CNTNAP3B: variants seen among roughly 807,000 people sequenced by gnomAD.
The protein encoded by CNTNAP3B is contactin-associated protein-like 3B.
A neutral mutation model predicts 108.9 loss-of-function variants in CNTNAP3B; 25 were observed. That is an observed-to-expected ratio of 0.23 (90% CI 0.17 to 0.32). The LOEUF is 0.32. Ranked by LOEUF, CNTNAP3B falls within the 10% of genes least tolerant of loss-of-function variation. CNTNAP3B has a pLI of 1.00. For synonymous variants in CNTNAP3B, 103 were observed against 473.4 expected, an observed-to-expected ratio of 0.22 and a Z score of 10.16; for missense variants, 252 against 1,210.4, an observed-to-expected ratio of 0.21 and a Z score of 11.75.
rs1362835449 is a variant in CNTNAP3B at position 42,127,436 on chromosome 9, G to T, written c.85+1574C>A. On this transcript the variant is annotated intron_variant, in intron 1 of 23. Transcript: ENST00000377561. The stretch of plus-strand genomic sequence containing the variant: ...CAGGAAAGGTGGTGGCAGGATCTCA[G>T]ATTTCATTTTTCTCCAGGAAGGTCT... Among the ~76,000 whole-genome samples, 2 of 139,626 alleles carry T rather than the reference G, an allele frequency of 1.4e-5. 1 individual carries two copies. The allele number at this position is 139,626 out of a possible 152,430, so 91.6% of individuals were successfully genotyped here. A position where few individuals can be genotyped will look rare whatever the true frequency, so the allele number is the denominator to read the frequency against.
intron 3 of CNTNAP3B, among the ~76,000 whole-genome samples, chr9:42,030,784 GAT>G (rs1826504094): frequency 3.9e-4 from 34 of 86,336 alleles, no homozygotes; most frequent in Admixed American, 6.8e-4. Context: ...GAGAGAGAGA[GAT>G]GTGTGCGAGA....
In CNTNAP3B at chr9:41,925,205, T is replaced by G. The variant is rs1315264217; in HGVS notation, c.2366-1112A>C. On this transcript the variant is annotated intron_variant, in intron 15 of 23. Coordinates refer to ENST00000377561, the MANE Select transcript of CNTNAP3B (RefSeq NM_001201380.3). The stretch of plus-strand genomic sequence containing the variant: ...AATGGTTTTACAATATATTGATGGC[T>G]CCTGATTGAATTTTTATTCTGATGG... Among the ~76,000 whole-genome samples the G allele has an allele frequency of 3.4e-5, 5 of 148,426 alleles. No homozygotes were observed. The East Asian group carries it at 9.7e-4, about 29-fold the overall frequency.
chr9:41,958,114 T>C (rs1327706175), intron 12 of CNTNAP3B, among the ~76,000 whole-genome samples: 4 of 152,228 alleles, frequency 2.6e-5, no homozygotes, highest in African/African-American at 7.2e-5. Flanking sequence ...CTTTTTTCTT[T>C]TTCTTTTTTT....
chr9:41,916,175 C>T (rs552577124), intron 18 of CNTNAP3B, among the ~76,000 whole-genome samples: 286 of 147,512 alleles, frequency 1.9e-3, no homozygotes, highest in African/African-American at 6.9e-3. Context: ...GTTCCTCTGA[C>T]TCATGTTACC....
At chr9:41,922,067 G>A (rs1021483511) in intron 17 of CNTNAP3B, among the ~76,000 whole-genome samples, 7 of 143,120 alleles carry the variant, frequency 4.9e-5, no homozygotes, top group African/African-American at 1.9e-4. Context: ...CAAGTTTGGG[G>A]GTCGGCTATC....
At chr9:41,950,744 A>ATT (rs1824650749) in intron 13 of CNTNAP3B, among the ~76,000 whole-genome samples, 1 of 124,404 alleles carries the variant, frequency 8.0e-6, no homozygotes, top group Non-Finnish European at 1.7e-5. Context: ...AATAGGAGGA[A>ATT]TTCTTTTTTT....
At chr9:41,944,613 G>A (rs1489690554) in intron 13 of CNTNAP3B, among the ~76,000 whole-genome samples, 2 of 151,944 alleles carry the variant, frequency 1.3e-5, no homozygotes, top group Admixed American at 1.3e-4. Context: ...AATGTGAGAG[G>A]GGAATTCAGG....
chr9:41,969,045 C>T (rs1248962611), intron 10 of CNTNAP3B, among the ~76,000 whole-genome samples: 1 of 152,298 alleles, frequency 6.6e-6, no homozygotes, highest in African/African-American at 2.4e-5. Flanking sequence ...ATCCGCCCGC[C>T]TTGGCCTCCC....
rs745723161 is a variant in CNTNAP3B, at chr9:41,953,289, C to T, written c.1974G>A (p.Ala658=). 5 of 1,530,450 alleles carry T rather than the reference C, an allele frequency of 3.3e-6. No individual in the cohort carries two copies. The highest frequency in any genetic ancestry group is 2.1e-5 in the Admixed American group (1 of 47,566). 94.8% of individuals were successfully genotyped at this position (1,530,450 alleles called of 1,614,324 possible). A position where few individuals can be genotyped will look rare whatever the true frequency, so the allele number is the denominator to read the frequency against. Residue 658 remains alanine (A), a synonymous_variant, in exon 13 of 24, where the codon GCG becomes GCA. Transcript: ENST00000377561. ...GCAGCTGCCCCGCGCCCGCTGCGTA[C>T]GCGAAGGACACAGCCGAGAGCGGGT... ...SGHPLSAVSF[A]YAAGAGQLRA... is the part of the protein sequence containing the mutation.
At chr9:42,003,059 T>C (rs1242325252) in intron 4 of CNTNAP3B, among the ~76,000 whole-genome samples, 2 of 130,302 alleles carry the variant, frequency 1.5e-5, no homozygotes, top group Admixed American at 7.7e-5. Context: ...GTTAATTTTT[T>C]ACTTTTTTTC....
At chr9:42,116,885 A>G (rs1564199687) in intron 1 of CNTNAP3B, among the ~76,000 whole-genome samples, 2 of 138,412 alleles carry the variant, frequency 1.4e-5, no homozygotes, top group Non-Finnish European at 1.5e-5. Context: ...CTAGTCTCTG[A>G]TAAAACAGAC....
chr9:42,116,017 G>A (rs1828308099), intron 1 of CNTNAP3B, among the ~76,000 whole-genome samples: 1 of 139,052 alleles, frequency 7.2e-6, no homozygotes, highest in Admixed American at 7.2e-5. Context: ...GCGTAGAGAA[G>A]ACCTTAAATG....
chr9:41,966,614 G>T (rs1825283774), intron 10 of CNTNAP3B, among the ~76,000 whole-genome samples: 1 of 152,278 alleles, frequency 6.6e-6, no homozygotes, highest in South Asian at 2.1e-4. Context: ...CTGCCATGTG[G>T]TATACAGGGC....
chr9:41,926,191 C>T (rs1823814126), intron 15 of CNTNAP3B, among the ~76,000 whole-genome samples: 1 of 152,292 alleles, frequency 6.6e-6, no homozygotes, highest in African/African-American at 2.4e-5. Flanking sequence ...ATAACTCTTT[C>T]CTCAGTGAGG....
chr9:41,979,017 G>T (rs989186253), intron 9 of CNTNAP3B, among the ~76,000 whole-genome samples: 1 of 139,764 alleles, frequency 7.2e-6, no homozygotes, highest in Non-Finnish European at 1.5e-5. Context: ...TCTGGGTCGG[G>T]TTCATCCCCA....
rs1332128263 is a variant in CNTNAP3B, at chr9:42,074,436, CA to C, written c.390+2432del. Reference sequence around the variant, plus strand: ...ACAACTCATGAGGTAACGCTTTCTCCAAGGCCTGTCATTCTCAAGTGTCTTC... The same window carrying C: ...ACAACTCATGAGGTAACGCTTTCTCCAGGCCTGTCATTCTCAAGTGTCTTC... On this transcript the variant is annotated intron_variant, in intron 3 of 23. Transcript: ENST00000377561. 9.3e-5 allele frequency among the ~76,000 whole-genome samples: 10 copies of C among 107,796 alleles called. No individual in the cohort carries two copies. In the Admixed American group the frequency reaches 9.9e-4, roughly 11 times the overall value. 70.7% of individuals were successfully genotyped at this position (107,796 alleles called of 152,430 possible).
chr9:41,944,734 G>C (rs1348020138), intron 13 of CNTNAP3B, among the ~76,000 whole-genome samples: 10 of 152,130 alleles, frequency 6.6e-5, no homozygotes, highest in African/African-American at 2.4e-4. Flanking sequence ...TACCAATTAA[G>C]AAAGCAATGG....
intron 8 of CNTNAP3B, among the ~76,000 whole-genome samples, chr9:41,988,277 C>T (rs1825744786): frequency 1.2e-5 from 1 of 82,820 alleles, no homozygotes; most frequent in East Asian, 3.6e-4. Context: ...GAGATGGAGT[C>T]TCGCTCTGTC....
At chr9:41,952,441 TTAACTA>T (rs1824716994) in intron 13 of CNTNAP3B, among the ~76,000 whole-genome samples, 1 of 152,234 alleles carries the variant, frequency 6.6e-6, no homozygotes, top group Non-Finnish European at 1.5e-5. Context: ...ATTTCAGTAT[TTAACTA>T]TAATTAGCAA....
Sources: allele counts gnomAD v4.1 joint callset (sites outside exome capture counted in the v4.1 genomes callset), GRCh38; gene constraint gnomAD v4.1.1; transcripts MANE v1.5; gene names NCBI Gene and HGNC (gene_info 2026-07-23, HGNC 2026-07-21).